CSMD1: variants seen among roughly 807,000 people sequenced by gnomAD.
CSMD1 encodes the protein CUB and sushi domain-containing protein 1.
Under a neutral mutation model 417.5 loss-of-function variants are expected in CSMD1, and 213 were observed. The observed-to-expected ratio is 0.51, with a 90% CI of 0.46 to 0.57. The LOEUF is 0.57. Among genes scored for constraint, CSMD1 ranks in the 20% least tolerant of loss-of-function variants. The probability of loss-of-function intolerance (pLI) is 0.00; values close to 1 mark genes in which losing one functional copy is unlikely to be tolerated. For synonymous variants in CSMD1, 2,862 were observed against 1,736.8 expected (o/e 1.65, Z -16.11); for missense variants, 6,923 against 4,529.7 (o/e 1.53, Z -15.17).
At position 2,954,671 on chromosome 8, in the gene CSMD1, A is replaced by C. The variant is rs2128921613; in HGVS notation, c.9995-403T>G. Among the ~76,000 whole-genome samples, 3 of 152,314 alleles carry C rather than the reference A, an allele frequency of 2.0e-5. No homozygotes were observed. In the South Asian group the frequency reaches 6.2e-4, roughly 32 times the overall value. ...GACCAATACCCCACCCAAATCAATC[A>C]ATTTATACGTTACTACTGAAAAATT... On this transcript the variant is annotated intron_variant, in intron 64 of 69. Transcript: ENST00000635120.
At chr8:2,971,126 A>G (rs1804420286) in intron 57 of CSMD1, among the ~76,000 whole-genome samples, 1 of 152,232 alleles carries the variant, frequency 6.6e-6, no homozygotes, top group Non-Finnish European at 1.5e-5. Context: ...ACAATTATTA[A>G]AAGAATGAAA....
At chr8:4,390,820 C>T (rs898409903) in intron 3 of CSMD1, among the ~76,000 whole-genome samples, 3 of 152,126 alleles carry the variant, frequency 2.0e-5, no homozygotes, top group East Asian at 1.9e-4. Context: ...GGATTACAGA[C>T]ATGAGCCACC....
At chr8:3,113,102 T>A (rs1816629487) in intron 42 of CSMD1, 1 of 152,224 alleles carries the variant, frequency 6.6e-6, no homozygotes, top group African/African-American at 2.4e-5. Context: ...GCAGGAAGCG[T>A]ATCCCCCCTG....
intron 3 of CSMD1, among the ~76,000 whole-genome samples, chr8:4,318,953 T>G (rs1799101688): frequency 6.6e-6 from 1 of 152,140 alleles, no homozygotes; most frequent in South Asian, 2.1e-4. Context: ...AAAAACAAAA[T>G]GAAAGCACAA....
intron 3 of CSMD1, among the ~76,000 whole-genome samples, chr8:4,324,686 A>G (rs1276774979): frequency 1.3e-5 from 2 of 152,234 alleles, no homozygotes; most frequent in African/African-American, 4.8e-5. Flanking sequence ...ATATAAGGGC[A>G]AAATCCAATT....
At chr8:3,872,922 C>T (rs1305761891) in intron 5 of CSMD1, among the ~76,000 whole-genome samples, 2 of 149,564 alleles carry the variant, frequency 1.3e-5, no homozygotes, top group Admixed American at 6.7e-5. Flanking sequence ...GAAAATAAGA[C>T]ATACATGTGG....
chr8:4,859,491 A>C (rs2116867058), intron 1 of CSMD1, among the ~76,000 whole-genome samples: 1 of 152,324 alleles, frequency 6.6e-6, no homozygotes, highest in Middle Eastern at 3.4e-3. Context: ...CAATGGGAGA[A>C]AATTCTCGCA....
At chr8:4,912,647 T>G (rs965129956) in intron 1 of CSMD1, among the ~76,000 whole-genome samples, 5 of 152,190 alleles carry the variant, frequency 3.3e-5, no homozygotes. Flanking sequence ...ACCTGTGACA[T>G]GTAGGTCAGG....
At chr8:3,718,902 C>T (rs770411055) in intron 6 of CSMD1, among the ~76,000 whole-genome samples, 2 of 152,062 alleles carry the variant, frequency 1.3e-5, no homozygotes, top group Admixed American at 6.6e-5. Flanking sequence ...TATCGGTTTA[C>T]ACCACCGGAG....
chr8:4,046,683 T>C (rs1798164665), intron 3 of CSMD1, among the ~76,000 whole-genome samples: 1 of 152,222 alleles, frequency 6.6e-6, no homozygotes, highest in Non-Finnish European at 1.5e-5. Flanking sequence ...TTATTTCCAT[T>C]TGATTTTAAA....
intron 7 of CSMD1, among the ~76,000 whole-genome samples, chr8:3,701,181 G>C (rs910113692): frequency 4.6e-5 from 7 of 152,104 alleles, no homozygotes; most frequent in African/African-American, 1.7e-4. Context: ...TAAGCCCGTG[G>C]ATAGGAAGTT....
At chr8:4,239,454 T>C (rs1001727158) in intron 3 of CSMD1, among the ~76,000 whole-genome samples, 2 of 152,152 alleles carry the variant, frequency 1.3e-5, no homozygotes, top group Non-Finnish European at 2.9e-5. Flanking sequence ...CCTGGAGCCA[T>C]CAGTGCAAGG....
chr8:3,387,270 C>T (rs1385955397), intron 18 of CSMD1, among the ~76,000 whole-genome samples: 1 of 152,100 alleles, frequency 6.6e-6, no homozygotes, highest in Non-Finnish European at 1.5e-5. Context: ...TTTGTTCATT[C>T]GGGGATAAAG....
At chr8:4,001,610 C>A (rs761909112) in intron 4 of CSMD1, among the ~76,000 whole-genome samples, 2 of 152,140 alleles carry the variant, frequency 1.3e-5, no homozygotes, top group African/African-American at 4.8e-5. Flanking sequence ...CAATGTTATG[C>A]CCCTGTCTAA....
rs1800085936 is a variant in CSMD1 at position 3,574,928 on chromosome 8, T to G, written c.1344+17A>C. On this transcript the variant is annotated intron_variant, in intron 10 of 69. Coordinates refer to ENST00000635120, the MANE Select transcript of CSMD1 (RefSeq NM_033225.6). ...TGCTGTGTGCATTAACCACAGGGGTTGGAGGCGGAGCCTTACCTTGTCCGG... is the reference window on the plus strand; with the variant it reads ...TGCTGTGTGCATTAACCACAGGGGTGGGAGGCGGAGCCTTACCTTGTCCGG... 1 of 1,611,086 alleles carries G rather than the reference T, an allele frequency of 6.2e-7. No homozygotes were observed. The highest frequency in any genetic ancestry group is 8.5e-7 in the Non-Finnish European group (1 of 1,179,244).
intron 26 of CSMD1, among the ~76,000 whole-genome samples, chr8:3,239,413 C>T (rs996703008): frequency 6.6e-6 from 1 of 152,124 alleles, no homozygotes; most frequent in African/African-American, 2.4e-5. Flanking sequence ...CTATGGTGGC[C>T]TTCTTAGACC....
intron 5 of CSMD1, among the ~76,000 whole-genome samples, chr8:3,777,152 ACACAC>A (rs1798935929): frequency 6.7e-6 from 1 of 149,326 alleles, no homozygotes; most frequent in South Asian, 2.1e-4. Flanking sequence ...ACACACACAC[ACACAC>A]ACATCATATA....
intron 1 of CSMD1, among the ~76,000 whole-genome samples, chr8:4,668,474 G>C (rs1805089522): frequency 1.4e-5 from 2 of 144,054 alleles, no homozygotes. Flanking sequence ...ATTTGAGATG[G>C]AGTCTCGCTC....
chr8:3,836,421 C>T (rs918901285), intron 5 of CSMD1, among the ~76,000 whole-genome samples: 1 of 152,024 alleles, frequency 6.6e-6, no homozygotes, highest in African/African-American at 2.4e-5. Context: ...GAAAATTTCT[C>T]CAATGCAGAA....
Sources: gnomAD v4.1 joint callset for allele counts (sites outside exome capture counted in the v4.1 genomes callset) on GRCh38, gnomAD v4.1.1 for gene constraint, MANE v1.5 for transcripts, NCBI Gene and HGNC (gene_info 2026-07-23, HGNC 2026-07-21) for gene names.